UBXN8: variants seen among roughly 807,000 people sequenced by gnomAD.
The protein encoded by UBXN8 is UBX domain protein 8, also known as UBX domain-containing protein 8.
In UBXN8, 27 loss-of-function variants were observed where a neutral mutation model predicts 32.1. That is an observed-to-expected ratio of 0.84 (90% CI 0.62 to 1.16). The LOEUF (loss-of-function observed/expected upper bound fraction) is 1.16, where lower values mean the gene tolerates loss of function less well. Ranked by LOEUF, UBXN8 falls within the 50% of genes most tolerant of loss-of-function variation. The probability of loss-of-function intolerance (pLI) is 0.00; values close to 1 mark genes in which losing one functional copy is unlikely to be tolerated. For synonymous variants in UBXN8, 109 were observed against 111.8 expected (o/e 0.98, Z 0.16); for missense variants, 306 against 311.4 (o/e 0.98, Z 0.13).
intron 1 of UBXN8, among the ~76,000 whole-genome samples, chr8:30,738,917 T>C (rs1166700111): frequency 6.6e-6 from 1 of 150,504 alleles, no homozygotes; most frequent in Non-Finnish European, 1.5e-5. Context: ...GATTGTGCTA[T>C]TGCACTCCAG....
intron 1 of UBXN8, among the ~76,000 whole-genome samples, chr8:30,739,097 C>T (rs1029490031): frequency 2.0e-5 from 3 of 150,380 alleles, no homozygotes; most frequent in Non-Finnish European, 3.0e-5. Context: ...GGAGACCAGA[C>T]GAGTGGTTTC....
intron 6 of UBXN8, among the ~76,000 whole-genome samples, chr8:30,762,183 C>T (rs1295901456): frequency 2.6e-5 from 4 of 151,192 alleles, no homozygotes; most frequent in East Asian, 3.9e-4. Flanking sequence ...CCTACCTTAG[C>T]GTCCCAAGTA....
chr8:30,735,784 A>G (rs1224869616), intron 1 of UBXN8, among the ~76,000 whole-genome samples: 3 of 152,234 alleles, frequency 2.0e-5, no homozygotes, highest in Non-Finnish European at 4.4e-5. Flanking sequence ...AGTTGCAGTG[A>G]GCTGAGATCA....
At chr8:30,757,893 CT>C (rs1446824418) in intron 5 of UBXN8, among the ~76,000 whole-genome samples, 1 of 142,888 alleles carries the variant, frequency 7.0e-6, no homozygotes, top group Admixed American at 6.9e-5. Flanking sequence ...GATATTTTTT[CT>C]TTGTTTTTTT....
chr8:30,742,325 C>T (rs181063937), upstream of UBXN8, among the ~76,000 whole-genome samples: 40 of 152,288 alleles, frequency 2.6e-4, no homozygotes, highest in African/African-American at 8.2e-4. Context: ...GCCCTAGCAA[C>T]AATCTACCTC....
intron 1 of UBXN8, among the ~76,000 whole-genome samples, chr8:30,750,697 T>C (rs777693677): frequency 6.7e-6 from 1 of 148,676 alleles, no homozygotes; most frequent in Admixed American, 6.8e-5. Flanking sequence ...GGCATGAACC[T>C]GGGAGGCAGA....
chr8:30,758,654 G>C (rs1156865665), intron 5 of UBXN8, among the ~76,000 whole-genome samples: 1 of 152,182 alleles, frequency 6.6e-6, no homozygotes, highest in Non-Finnish European at 1.5e-5. Context: ...AGATCGATAT[G>C]AACTAAACGG....
chr8:30,759,731 C>T lies in UBXN8; in HGVS notation c.529-1157C>T, dbSNP rs1310120892. On this transcript the variant is annotated intron_variant, in intron 5 of 7. Coordinates refer to ENST00000265616, the MANE Select transcript of UBXN8 (RefSeq NM_005671.4). ...CAGGACTTTGGGAGGCTGAGGCAGGCGGATCACAAGGTCAGGAAGTCGAGA... is the reference window on the plus strand; with the variant it reads ...CAGGACTTTGGGAGGCTGAGGCAGGTGGATCACAAGGTCAGGAAGTCGAGA... 5.3e-5 allele frequency among the ~76,000 whole-genome samples: 8 copies of T among 150,980 alleles called. No homozygotes were observed. In the East Asian group the frequency reaches 8.1e-4, roughly 15 times the overall value.
intron 4 of UBXN8, among the ~76,000 whole-genome samples, chr8:30,755,280 C>T (rs912144985): frequency 2.0e-5 from 3 of 152,042 alleles, no homozygotes; most frequent in East Asian, 1.9e-4. Flanking sequence ...AAGACAGTCT[C>T]TCTCTCTTGC....
chr8:30,758,825 A>G (rs188865371), intron 5 of UBXN8, among the ~76,000 whole-genome samples: 13 of 150,566 alleles, frequency 8.6e-5, no homozygotes, highest in East Asian at 5.9e-4. Context: ...AATATACTCT[A>G]TGGTATTAAT....
At chr8:30,740,687 T>C (rs949225790), upstream of UBXN8, among the ~76,000 whole-genome samples, 3 of 151,800 alleles carry the variant, frequency 2.0e-5, no homozygotes, top group Non-Finnish European at 2.9e-5. Context: ...CTTGTGCCAC[T>C]GCACTCCAGC....
intron 1 of UBXN8, chr8:30,744,485 G>A: frequency 1.6e-6 from 1 of 607,656 alleles, no homozygotes; most frequent in South Asian, 2.0e-5. Context: ...CGTGTAAGAG[G>A]GTAGAGGCAA....
intron 1 of UBXN8, among the ~76,000 whole-genome samples, chr8:30,737,780 G>A (rs1364432145): frequency 6.6e-6 from 1 of 152,108 alleles, no homozygotes; most frequent in East Asian, 1.9e-4. Context: ...CCTGGGAGGT[G>A]GAGGCTGCAG....
chr8:30,758,682 G>A (rs1440707703), intron 5 of UBXN8, among the ~76,000 whole-genome samples: 1 of 152,142 alleles, frequency 6.6e-6, no homozygotes, highest in African/African-American at 2.4e-5. Context: ...AAAAATTCAT[G>A]TTTGTGTTTT....
At chr8:30,747,215 T>C (rs1437206702) in intron 1 of UBXN8, among the ~76,000 whole-genome samples, 1 of 140,170 alleles carries the variant, frequency 7.1e-6, no homozygotes, top group Non-Finnish European at 1.5e-5. Flanking sequence ...TACACACAAA[T>C]ATAGTTCTTT....
upstream of UBXN8, chr8:30,744,095 C>G: frequency 9.0e-7 from 1 of 1,106,304 alleles, no homozygotes; most frequent in Non-Finnish European, 1.3e-6. Context: ...TGACCCTCTC[C>G]CAGCCGGCCC....
rs144963780 is a variant in UBXN8, at chr8:30,747,614, A to G, written c.88+3337A>G. ...ACGTGAGCCACTGCGCCTGGCCTCA[A>G]TGGTTTCTTTACATACCAATACTCT... On this transcript the variant is annotated intron_variant, in intron 1 of 7. Coordinates refer to ENST00000265616, the MANE Select transcript of UBXN8 (RefSeq NM_005671.4). Among the ~76,000 whole-genome samples the G allele has an allele frequency of 5.0e-3, 702 of 141,212 alleles. 136 individuals carry two copies. Among genetic ancestry groups the G allele is most frequent in the African/African-American group, 0.017 (630 of 36,714 alleles). 92.6% of individuals were successfully genotyped at this position (141,212 alleles called of 152,430 possible). A position where few individuals can be genotyped will look rare whatever the true frequency, so the allele number is the denominator to read the frequency against.
chr8:30,730,194 A>G (rs1194356447), upstream of UBXN8, among the ~76,000 whole-genome samples: 1 of 152,170 alleles, frequency 6.6e-6, no homozygotes, highest in South Asian at 2.1e-4. Flanking sequence ...AGCTCGTTTA[A>G]GACCCAAAAC....
intron 1 of UBXN8, among the ~76,000 whole-genome samples, chr8:30,748,422 A>C (rs1427596327): frequency 6.6e-6 from 1 of 151,596 alleles, no homozygotes; most frequent in East Asian, 1.9e-4. Context: ...GCTGTTATCA[A>C]CTGCTGCACT....
Sources: allele counts gnomAD v4.1 joint callset (sites outside exome capture counted in the v4.1 genomes callset), GRCh38; gene constraint gnomAD v4.1.1; transcripts MANE v1.5; gene names NCBI Gene and HGNC (gene_info 2026-07-23, HGNC 2026-07-21).